The following CTNNA3 variants were observed in gnomAD, a reference collection of about 807,000 sequenced individuals.
CTNNA3 encodes catenin alpha 3, also known as catenin alpha-3.
CTNNA3 carries 76 observed loss-of-function variants against 95.7 expected under a neutral mutation model. The observed-to-expected ratio is 0.79, with a 90% CI of 0.66 to 0.96. CTNNA3 has a LOEUF of 0.96. Among genes scored for constraint, CTNNA3 ranks in the 40% least tolerant of loss-of-function variants. The pLI, the probability that CTNNA3 is intolerant of heterozygous loss-of-function variation, is 0.00. For missense variants in CTNNA3, 1,191 were observed against 1,089.8 expected (o/e 1.09, Z -1.31); for synonymous variants, 431 against 374.4 (o/e 1.15, Z -1.74).
At chr10:66,183,076 C>CA (rs749479618) in intron 13 of CTNNA3, among the ~76,000 whole-genome samples, 2 of 152,034 alleles carry the variant, frequency 1.3e-5, no homozygotes, top group African/African-American at 2.4e-5. Context: ...ATTTATATTC[C>CA]AAAATCACAA....
At chr10:67,742,315 T>C (rs1302708489) in intron 1 of CTNNA3, among the ~76,000 whole-genome samples, 1 of 151,100 alleles carries the variant, frequency 6.6e-6, no homozygotes, top group Non-Finnish European at 1.5e-5. Context: ...CAGACCACGG[T>C]GCAATCAAAC....
chr10:66,531,340 C>T (rs948512210), intron 10 of CTNNA3, among the ~76,000 whole-genome samples: 7 of 152,170 alleles, frequency 4.6e-5, no homozygotes, highest in South Asian at 4.2e-4. Flanking sequence ...CATTAAAATG[C>T]TTGTTACAAA....
intron 10 of CTNNA3, among the ~76,000 whole-genome samples, chr10:66,592,396 C>T (rs1355183454): frequency 6.6e-6 from 1 of 152,064 alleles, no homozygotes; most frequent in Non-Finnish European, 1.5e-5. Context: ...ATAAAATTTA[C>T]CTACTTACCA....
chr10:66,695,552 C>T (rs1847725653), intron 9 of CTNNA3, among the ~76,000 whole-genome samples: 1 of 152,080 alleles, frequency 6.6e-6, no homozygotes, highest in Non-Finnish European at 1.5e-5. Flanking sequence ...CTCTGTGATA[C>T]ACATAGAAAT....
intron 13 of CTNNA3, among the ~76,000 whole-genome samples, chr10:66,199,806 T>TATATATGTATATATATATATA (rs1554887153): frequency 1.1e-4 from 1 of 9,042 alleles, no homozygotes; most frequent in Non-Finnish European, 1.8e-4. Context: ...TATATATATA[T>TATATATGTATATATATATATA]TTTTTTTTTT....
intron 13 of CTNNA3, among the ~76,000 whole-genome samples, chr10:66,205,864 A>G (rs1403279429): frequency 6.6e-6 from 1 of 151,996 alleles, no homozygotes; most frequent in Non-Finnish European, 1.5e-5. Context: ...TAGTAAAGAA[A>G]AAACAATATA....
intron 10 of CTNNA3, among the ~76,000 whole-genome samples, chr10:66,564,737 G>A (rs565301199): frequency 6.6e-6 from 1 of 152,108 alleles, no homozygotes; most frequent in African/African-American, 2.4e-5. Context: ...GGTGAGGAAG[G>A]GACAAGGAAG....
At chr10:66,177,866 G>T (rs909567582) in intron 13 of CTNNA3, among the ~76,000 whole-genome samples, 7 of 151,760 alleles carry the variant, frequency 4.6e-5, no homozygotes, top group African/African-American at 1.5e-4. Flanking sequence ...AAACATTTTT[G>T]ATTATTACTT....
chr10:66,995,278 CCT>C (rs1315666210), intron 7 of CTNNA3, among the ~76,000 whole-genome samples: 1 of 152,130 alleles, frequency 6.6e-6, no homozygotes, highest in Non-Finnish European at 1.5e-5. Context: ...GACACTTTTT[CCT>C]CTCTGTTACT....
In CTNNA3 at chr10:67,239,400, G is replaced by A. The variant is rs1865629773; in HGVS notation, c.580-19530C>T. 2.0e-5 allele frequency among the ~76,000 whole-genome samples: 3 copies of A among 151,180 alleles called. No individual in the cohort carries two copies. In the South Asian group the frequency reaches 6.3e-4, roughly 32 times the overall value. ...AAAAAAGCAAGACATAAAAGAGTAT[G>A]TATGGTTTAATTCCATCTATGTGAA... On this transcript the variant is annotated intron_variant, in intron 5 of 17. Coordinates refer to ENST00000433211, the MANE Select transcript of CTNNA3 (RefSeq NM_013266.4).
intron 7 of CTNNA3, among the ~76,000 whole-genome samples, chr10:66,840,372 TCACACACACA>T (rs138947952): frequency 4.0e-3 from 282 of 71,272 alleles, no homozygotes; most frequent in African/African-American, 7.0e-3. Context: ...TCTCTCTCTC[TCACACACACA>T]CACACACACA....
At chr10:66,037,570 G>A (rs1843529312) in intron 15 of CTNNA3, among the ~76,000 whole-genome samples, 1 of 152,170 alleles carries the variant, frequency 6.6e-6, no homozygotes, top group African/African-American at 2.4e-5. Flanking sequence ...TAATGAGGAT[G>A]AATGAGAATT....
At chr10:67,216,717 C>CT (rs1864382691) in intron 6 of CTNNA3, among the ~76,000 whole-genome samples, 3 of 152,144 alleles carry the variant, frequency 2.0e-5, no homozygotes, top group Non-Finnish European at 4.4e-5. Context: ...TTGTTATCAT[C>CT]TTTATTGCAT....
rs574966499 is a variant in CTNNA3, at chr10:67,101,758, T to A, written c.1047+78559A>T. ...TAGTAAAATCTTTTTGAAAAAAAAA[T>A]TTTCTAAAATAAAACTATTGTATAT... On this transcript the variant is annotated intron_variant, in intron 7 of 17. Transcript: ENST00000433211. 1.7e-3 allele frequency among the ~76,000 whole-genome samples: 258 copies of A among 151,760 alleles called. 2 individuals are homozygous for A. The highest frequency in any genetic ancestry group is 5.3e-3 in the African/African-American group (221 of 41,472).
intron 5 of CTNNA3, among the ~76,000 whole-genome samples, chr10:67,237,171 T>TATAC (rs1865523742): frequency 8.7e-6 from 1 of 115,330 alleles, no homozygotes; most frequent in South Asian, 3.5e-4. Context: ...TATATATATA[T>TATAC]ATACACACAC....
intron 5 of CTNNA3, among the ~76,000 whole-genome samples, chr10:67,409,687 A>C (rs1426889071): frequency 1.3e-5 from 2 of 152,166 alleles, no homozygotes; most frequent in Admixed American, 1.3e-4. Context: ...CAAACTATCA[A>C]GGCAAATGTT....
chr10:67,132,079 CAG>C (rs1257889350), intron 7 of CTNNA3, among the ~76,000 whole-genome samples: 1 of 152,048 alleles, frequency 6.6e-6, no homozygotes, highest in African/African-American at 2.4e-5. Context: ...AAGATAGCAT[CAG>C]TGTGAATAGA....
At chr10:66,815,636 G>A (rs921870139) in intron 7 of CTNNA3, among the ~76,000 whole-genome samples, 8 of 152,210 alleles carry the variant, frequency 5.3e-5, no homozygotes, top group African/African-American at 1.7e-4. Context: ...GTTGATTGAG[G>A]TGGTAAATAA....
At chr10:66,220,208 T>C (rs2088845168) in intron 13 of CTNNA3, among the ~76,000 whole-genome samples, 2 of 148,474 alleles carry the variant, frequency 1.3e-5, no homozygotes, top group East Asian at 2.0e-4. Context: ...ATAACTGGAG[T>C]TTTTCCCAAA....
Sources: allele counts gnomAD v4.1 joint callset (sites outside exome capture counted in the v4.1 genomes callset), GRCh38; gene constraint gnomAD v4.1.1; transcripts MANE v1.5; gene names NCBI Gene and HGNC (gene_info 2026-07-23, HGNC 2026-07-21).